The following SMTNL2 variants were observed in gnomAD, a reference collection of about 807,000 sequenced individuals.
The protein encoded by SMTNL2 is smoothelin like 2.
SMTNL2 carries 43 observed loss-of-function variants against 44.1 expected under a neutral mutation model. The observed-to-expected ratio is 0.98, with a 90% confidence interval of 0.76 to 1.26. The LOEUF (loss-of-function observed/expected upper bound fraction) is 1.26, where lower values mean the gene tolerates loss of function less well. Among genes scored for constraint, SMTNL2 ranks in the 50% most tolerant of loss-of-function variants. The pLI, the probability that SMTNL2 is intolerant of heterozygous loss-of-function variation, is 0.00. For missense variants in SMTNL2, 646 were observed against 670.2 expected (o/e 0.96, Z 0.40); for synonymous variants, 317 against 287.6 (o/e 1.10, Z -1.03).
At chr17:4,591,048 C>T (rs966031421) in intron 1 of SMTNL2, among the ~76,000 whole-genome samples, 3 of 152,222 alleles carry the variant, frequency 2.0e-5, no homozygotes, top group African/African-American at 7.2e-5. Flanking sequence ...CTCCACCGGG[C>T]TCACTCTGGA....
chr17:4,585,663 C>G (rs544270856), intron 1 of SMTNL2, among the ~76,000 whole-genome samples: 2 of 152,358 alleles, frequency 1.3e-5, no homozygotes, highest in South Asian at 4.1e-4. Flanking sequence ...CGGAGGCCGA[C>G]GTGGACCAGT....
intron 7 of SMTNL2, among the ~76,000 whole-genome samples, chr17:4,602,290 A>C (rs1204452878): frequency 6.8e-6 from 1 of 147,522 alleles, no homozygotes; most frequent in Non-Finnish European, 1.5e-5. Flanking sequence ...TGCAGGGACA[A>C]TCTGGGGTGG....
Position 4,585,810 on chromosome 17 carries a change from T to C in SMTNL2, c.399+806T>C, listed in dbSNP as rs1047338524. Among the ~76,000 whole-genome samples, 3 of 152,350 alleles carry C rather than the reference T, an allele frequency of 2.0e-5. No individual in the cohort carries two copies. The South Asian group carries it at 6.2e-4, about 32-fold the overall frequency. ...TCCCAGGATCTGGGGCTGTGTAGCCTGCACCTGCTCCCTCCTTGGTGCAAT... is the reference window on the plus strand; with the variant it reads ...TCCCAGGATCTGGGGCTGTGTAGCCCGCACCTGCTCCCTCCTTGGTGCAAT... On this transcript the variant is annotated intron_variant, in intron 1 of 7. Transcript: ENST00000389313.
chr17:4,594,044 G>C (rs1240162318), intron 4 of SMTNL2, 147 bp downstream of exon 4: 2 of 760,218 alleles, frequency 2.6e-6, no homozygotes, highest in East Asian at 2.7e-5. Flanking sequence ...CGGCAGGATG[G>C]GGGGAAGGTC....
At chr17:4,593,590 C>G (rs1476131368) in intron 3 of SMTNL2, among the ~76,000 whole-genome samples, 1 of 152,216 alleles carries the variant, frequency 6.6e-6, no homozygotes, top group African/African-American at 2.4e-5. Context: ...TCTGTGCTCT[C>G]AAGAGCAGGG....
In SMTNL2 at chr17:4,607,533, G is replaced by A. The variant is rs374329102; in HGVS notation, c.*46G>A. On this transcript the variant is annotated 3_prime_UTR_variant, in exon 8 of 8. Transcript: ENST00000389313. This position sits in a 1 kb window ranked among gnomAD's most constrained non-coding sequence, Gnocchi z 4.7. ...CAAAGAGCAGCCCCAGGAAGAGGCCGGGGGTCCGCTTGCGATTCCCCAGCC... is the reference window on the plus strand; with the variant it reads ...CAAAGAGCAGCCCCAGGAAGAGGCCAGGGGTCCGCTTGCGATTCCCCAGCC... 43 of 1,595,520 alleles carry A rather than the reference G, an allele frequency of 2.7e-5. No individual in the cohort carries two copies. Among genetic ancestry groups the A allele is most frequent in the Middle Eastern group, 3.3e-4 (2 of 6,002 alleles).
rs1909901058 is a variant in SMTNL2 at position 4,598,333 on chromosome 17, A to G, written c.1259+1010A>G. Among the ~76,000 whole-genome samples the G allele has an allele frequency of 6.6e-6, 1 of 152,134 alleles. No individual in the cohort carries two copies. Among genetic ancestry groups the G allele is most frequent in the South Asian group, 2.1e-4 (1 of 4,828 alleles). The stretch of plus-strand genomic sequence containing the variant: ...CCCCAGGGCAGGGAGCAGGGCACAG[A>G]TGAGTGGTGTTCGGGGCTGCCCAAT... On this transcript the variant is annotated intron_variant, in intron 7 of 7. Coordinates refer to ENST00000389313, the MANE Select transcript of SMTNL2 (RefSeq NM_001114974.2). The surrounding 1 kb of genome is among the most constrained non-coding windows in gnomAD (Gnocchi z 4.8).
intron 7 of SMTNL2, among the ~76,000 whole-genome samples, chr17:4,605,429 G>A (rs915985697): frequency 6.6e-6 from 1 of 152,052 alleles, no homozygotes; most frequent in African/African-American, 2.4e-5. Flanking sequence ...CCAAAGTGCT[G>A]GGATGACAGG....
At chr17:4,605,456 C>T (rs574379753) in intron 7 of SMTNL2, among the ~76,000 whole-genome samples, 7 of 152,236 alleles carry the variant, frequency 4.6e-5, no homozygotes, top group East Asian at 1.9e-4. Context: ...CCACTGTGCC[C>T]GGCCTCATCT....
upstream of SMTNL2, chr17:4,584,459 C>T: frequency 1.1e-6 from 1 of 907,302 alleles, no homozygotes. Flanking sequence ...GTCCCCGGCT[C>T]CGCCCCCGAG....
Position 4,595,368 on chromosome 17 carries a change from T to G in SMTNL2, c.989+41T>G. The G allele has an allele frequency of 1.9e-4, 297 of 1,595,920 alleles. No individual in the cohort carries two copies. The highest frequency in any genetic ancestry group is 2.4e-4 in the Non-Finnish European group (275 of 1,169,392). ...CACAGACAGGCCCGGCCCCACGGTG[T>G]GCCCAGACCCAGACGGGGCTTGGGT... is the stretch of plus-strand genomic sequence containing the variant. On this transcript the variant is annotated intron_variant, in intron 5 of 7. Transcript: ENST00000389313. The surrounding 1 kb of genome is among the most constrained non-coding windows in gnomAD (Gnocchi z 5.1).
At chr17:4,591,877 C>T (rs1909586648) in intron 1 of SMTNL2, among the ~76,000 whole-genome samples, 3 of 152,340 alleles carry the variant, frequency 2.0e-5, no homozygotes, top group South Asian at 2.1e-4. Context: ...TCTTGTGTCC[C>T]CGCCTCCCAT....
rs117949042 is a variant in SMTNL2 at position 4,598,976 on chromosome 17, G to C, written c.1259+1653G>C. On this transcript the variant is annotated intron_variant, in intron 7 of 7. Coordinates refer to ENST00000389313, the MANE Select transcript of SMTNL2 (RefSeq NM_001114974.2). The surrounding 1 kb of genome is among the most constrained non-coding windows in gnomAD (Gnocchi z 4.8). ...GCCCTGGCCCACCACCCCGGCCCCT[G>C]AGCCTGGCCAGGGAAAGAATCAGAG... Among the ~76,000 whole-genome samples the C allele has an allele frequency of 4.4e-3, 669 of 152,274 alleles. 13 individuals carry two copies. In the East Asian group the frequency reaches 0.064, roughly 15 times the overall value.
intron 6 of SMTNL2, 92 bp from the exon 7 acceptor site, chr17:4,597,080 G>C: frequency 6.5e-7 from 1 of 1,528,194 alleles, no homozygotes; most frequent in Non-Finnish European, 8.8e-7. Context: ...GCCCGCTGAG[G>C]CTGGGGTTAA....
At chr17:4,594,022 G>A (rs373136139) in intron 4 of SMTNL2, 125 bp downstream of exon 4, 74 of 929,344 alleles carry the variant, frequency 8.0e-5, no homozygotes, top group South Asian at 6.3e-4. Flanking sequence ...GCTGGATCTC[G>A]GGAGCACTGG....
chr17:4,602,190 A>G (rs1910065775), intron 7 of SMTNL2, among the ~76,000 whole-genome samples: 1 of 152,202 alleles, frequency 6.6e-6, no homozygotes, highest in Non-Finnish European at 1.5e-5. Flanking sequence ...CAATGCTGAA[A>G]GGAAATGCTC....
chr17:4,593,432 G>A (rs192022544), intron 3 of SMTNL2, among the ~76,000 whole-genome samples: 3 of 152,352 alleles, frequency 2.0e-5, no homozygotes, highest in East Asian at 3.9e-4. Context: ...TGCCCTGCAC[G>A]TTGGGCACTG....
chr17:4,605,028 T>C (rs977804559), intron 7 of SMTNL2, among the ~76,000 whole-genome samples: 1 of 151,448 alleles, frequency 6.6e-6, no homozygotes, highest in African/African-American at 2.4e-5. Flanking sequence ...ATGGGAGGAG[T>C]CGGGGTTTGA....
chr17:4,590,546 T>C (rs1909531430), intron 1 of SMTNL2, among the ~76,000 whole-genome samples: 1 of 152,112 alleles, frequency 6.6e-6, no homozygotes, highest in South Asian at 2.1e-4. Flanking sequence ...TCCCTGATGC[T>C]CCAGGTGCCC....
Sources: allele counts gnomAD v4.1 joint callset (sites outside exome capture counted in the v4.1 genomes callset), GRCh38; gene constraint gnomAD v4.1.1; non-coding constraint Gnocchi (gnomAD v3.1); transcripts MANE v1.5; gene names NCBI Gene and HGNC (gene_info 2026-07-23, HGNC 2026-07-21).